TTLL5: variants seen among roughly 807,000 people sequenced by gnomAD.
TTLL5 encodes the protein tubulin polyglutamylase TTLL5.
A neutral mutation model predicts 168.4 loss-of-function variants in TTLL5; 132 were observed. The ratio of observed to expected loss-of-function variants is 0.78; its 90% CI spans 0.68 to 0.91. The LOEUF is 0.91. Among genes scored for constraint, TTLL5 ranks in the 40% least tolerant of loss-of-function variants. The pLI, the probability that TTLL5 is intolerant of heterozygous loss-of-function variation, is 0.00. For synonymous variants in TTLL5, 546 were observed against 558.6 expected, an observed-to-expected ratio of 0.98 and a Z score of 0.32; for missense variants, 1,545 against 1,581.5, an observed-to-expected ratio of 0.98 and a Z score of 0.39.
At chr14:75,884,773 T>A (rs1191478843) in intron 30 of TTLL5, among the ~76,000 whole-genome samples, 1 of 152,086 alleles carries the variant, frequency 6.6e-6, no homozygotes, top group East Asian at 1.9e-4. Context: ...GGGACCCCAG[T>A]GTTTTCAGAT....
intron 28 of TTLL5, among the ~76,000 whole-genome samples, chr14:75,862,829 C>T (rs2030138709): frequency 6.6e-6 from 1 of 152,036 alleles, no homozygotes; most frequent in African/African-American, 2.4e-5. Context: ...ACCTAGAATC[C>T]CAGCTTCTCA....
rs77593112 is a variant in TTLL5, at chr14:75,745,468, T to C, written c.1396-22T>C. 3.7e-3 allele frequency: 5,898 copies of C among 1,612,922 alleles called. 198 individuals are homozygous for C. In the African/African-American group the frequency reaches 0.068, roughly 19 times the overall value. ...CTCCGGTTTTCAAAATAGGTACTCATTTTATCTTATTTTTCATCTAGATCA... is the reference window on the plus strand; with the variant it reads ...CTCCGGTTTTCAAAATAGGTACTCACTTTATCTTATTTTTCATCTAGATCA... On this transcript the variant is annotated intron_variant, in intron 16 of 31. Coordinates refer to ENST00000298832, the MANE Select transcript of TTLL5 (RefSeq NM_015072.5).
intron 6 of TTLL5, among the ~76,000 whole-genome samples, chr14:75,694,908 C>T (rs756931039): frequency 6.6e-6 from 1 of 152,118 alleles, no homozygotes; most frequent in Non-Finnish European, 1.5e-5. Flanking sequence ...GGACGTATGT[C>T]GCCTCAGGAC....
intron 21 of TTLL5, among the ~76,000 whole-genome samples, chr14:75,773,921 TATATATAGAGAGAGAGAG>T (rs1891503345): frequency 3.5e-5 from 1 of 28,262 alleles, no homozygotes; most frequent in South Asian, 1.3e-3. Context: ...TATATATATA[TATATATAGAGAGAGAGAG>T]AGAGAGAGAG....
At chr14:75,764,865 T>C in intron 19 of TTLL5, 93 bp downstream of exon 19, 1 of 1,423,474 alleles carries the variant, frequency 7.0e-7, no homozygotes. Flanking sequence ...TGAGTCAGAA[T>C]CTTCCTGATC....
At chr14:75,680,586 T>C (rs1403686790) in intron 3 of TTLL5, among the ~76,000 whole-genome samples, 1 of 151,498 alleles carries the variant, frequency 6.6e-6, no homozygotes, top group Non-Finnish European at 1.5e-5. Context: ...ATCAGCATTA[T>C]AGGATACAGA....
rs17856074 is a variant in TTLL5 at position 75,707,041 on chromosome 14, G to C, written c.609G>C (p.Glu203Asp). ...INNPNQISLEENILVSRYINN... is the reference protein window; with the variant it reads ...INNPNQISLEDNILVSRYINN... ...AGCCAAACCAGATCTCCCTGGAAGAGAACATTTTGGTCTCCCGTTACATTA... is the reference window on the plus strand; with the variant it reads ...AGCCAAACCAGATCTCCCTGGAAGACAACATTTTGGTCTCCCGTTACATTA... Residue 203 changes from glutamate (E) to aspartate (D), a missense_variant, in exon 8 of 32, where the codon GAG (glutamate) becomes GAC (aspartate). Physicochemically the swap from Glu to Asp is conservative, Grantham distance 45. Coordinates refer to ENST00000298832, the MANE Select transcript of TTLL5 (RefSeq NM_015072.5). 5.2e-4 allele frequency: 845 copies of C among 1,612,476 alleles called. No individual in the cohort carries two copies. Among genetic ancestry groups the C allele is most frequent in the Non-Finnish European group, 6.9e-4 (810 of 1,179,108 alleles).
At chr14:75,908,896 C>A (rs2033255005) in intron 31 of TTLL5, among the ~76,000 whole-genome samples, 1 of 152,146 alleles carries the variant, frequency 6.6e-6, no homozygotes, top group South Asian at 2.1e-4. Flanking sequence ...CCCACCTCAG[C>A]CTCCTGAGTA....
At chr14:75,749,689 ACT>A (rs1311892131) in intron 17 of TTLL5, among the ~76,000 whole-genome samples, 1 of 151,562 alleles carries the variant, frequency 6.6e-6, no homozygotes, top group Admixed American at 6.6e-5. Context: ...AGTTACTCTA[ACT>A]CTCTTGGTGC....
chr14:75,898,259 A>T (rs2032761531), intron 30 of TTLL5, among the ~76,000 whole-genome samples: 1 of 152,200 alleles, frequency 6.6e-6, no homozygotes, highest in Non-Finnish European at 1.5e-5. Context: ...AAGATGGGAG[A>T]AATATCACTC....
intron 9 of TTLL5, among the ~76,000 whole-genome samples, chr14:75,713,836 T>C (rs1473854172): frequency 6.6e-6 from 1 of 152,218 alleles, no homozygotes; most frequent in Non-Finnish European, 1.5e-5. Flanking sequence ...TTTTTTACAC[T>C]TTTAATTTTG....
At chr14:75,837,405 A>C (rs1895928453) in intron 28 of TTLL5, 1 of 152,224 alleles carries the variant, frequency 6.6e-6, no homozygotes, top group Non-Finnish European at 1.5e-5. Context: ...TCATTTAAAA[A>C]ATTATTATTT....
chr14:75,693,628 G>A (rs543569203), intron 6 of TTLL5, among the ~76,000 whole-genome samples: 44 of 152,352 alleles, frequency 2.9e-4, no homozygotes, highest in African/African-American at 9.9e-4. Context: ...TGAAGACCGT[G>A]ACTAAGGATC....
chr14:75,924,742 T>C (rs1228964677), intron 31 of TTLL5, among the ~76,000 whole-genome samples: 1 of 151,984 alleles, frequency 6.6e-6, no homozygotes, highest in South Asian at 2.1e-4. Context: ...CCTTCCCCCC[T>C]TTCTATTCCA....
At position 75,708,944 on chromosome 14, in the gene TTLL5, T is replaced by C. The variant is rs144136520; in HGVS notation, c.740+1237T>C. ...GAATTGTCTTGGGCCATACCTAAAA[T>C]ACACTAACAATAGCTGATGAGCTTA... On this transcript the variant is annotated intron_variant, in intron 9 of 31. Transcript: ENST00000298832. Among the ~76,000 whole-genome samples the C allele has an allele frequency of 4.0e-4, 61 of 152,226 alleles. No homozygotes were observed. The East Asian group carries it at 0.011, about 28-fold the overall frequency.
At chr14:75,811,156 AGTGTGTGT>A (rs148883248) in intron 27 of TTLL5, among the ~76,000 whole-genome samples, 3 of 116,626 alleles carry the variant, frequency 2.6e-5, no homozygotes, top group South Asian at 3.1e-4. Context: ...TGAAAGAAAG[AGTGTGTGT>A]GTGTGTGTGT....
chr14:75,709,311 T>C, intron 9 of TTLL5: 1 of 695,622 alleles, frequency 1.4e-6, no homozygotes, highest in Non-Finnish European at 2.6e-6. Flanking sequence ...TTTAGAGACT[T>C]AGTTTTTTTC....
At chr14:75,782,430 A>G in intron 24 of TTLL5, 57 bp from the exon 25 acceptor site, 1 of 1,381,454 alleles carries the variant, frequency 7.2e-7, no homozygotes, top group Non-Finnish European at 1.0e-6. Context: ...TTATGTATAG[A>G]ACAGCGGACT....
chr14:75,781,790 A>G (rs1303205593), intron 24 of TTLL5, among the ~76,000 whole-genome samples: 1 of 152,056 alleles, frequency 6.6e-6, no homozygotes, highest in African/African-American at 2.4e-5. Flanking sequence ...GCCTGTCTCT[A>G]CTAAATATAC....
Sources: gnomAD v4.1 joint callset for allele counts (sites outside exome capture counted in the v4.1 genomes callset) on GRCh38, gnomAD v4.1.1 for gene constraint, MANE v1.5 for transcripts, NCBI Gene and HGNC (gene_info 2026-07-23, HGNC 2026-07-21) for gene names.